C11orf65: variants seen among roughly 807,000 people sequenced by gnomAD.
The protein encoded by C11orf65 is chromosome 11 open reading frame 65.
C11orf65 carries 38 observed loss-of-function variants against 35.3 expected under a neutral mutation model. The ratio of observed to expected loss-of-function variants is 1.08; its 90% confidence interval spans 0.83 to 1.41. C11orf65 has a LOEUF of 1.41. Ranked by LOEUF, C11orf65 falls within the 40% of genes most tolerant of loss-of-function variation. The pLI is 0.00. For missense variants in C11orf65, 370 were observed against 367.1 expected (o/e 1.01, Z -0.06); for synonymous variants, 105 against 114.4 (o/e 0.92, Z 0.53).
chr11:108,432,934 T>A (rs912838569), intron 2 of C11orf65, among the ~76,000 whole-genome samples: 2 of 152,166 alleles, frequency 1.3e-5, no homozygotes, highest in Admixed American at 1.3e-4. Flanking sequence ...AACAACCATT[T>A]ATTATTTCTC....
At chr11:108,438,823 C>T (rs904222438) in intron 2 of C11orf65, among the ~76,000 whole-genome samples, 4 of 151,830 alleles carry the variant, frequency 2.6e-5, no homozygotes, top group African/African-American at 9.7e-5. Flanking sequence ...CTGGCCAACA[C>T]AGTGAAACCC....
intron 2 of C11orf65, among the ~76,000 whole-genome samples, chr11:108,359,208 C>T (rs1446346228): frequency 6.6e-6 from 1 of 151,624 alleles, no homozygotes. Context: ...AAGGCCATTA[C>T]ATAATGGTAA....
chr11:108,328,660 A>G (rs998813926), downstream of C11orf65, among the ~76,000 whole-genome samples: 2 of 152,246 alleles, frequency 1.3e-5, no homozygotes, highest in African/African-American at 4.8e-5. Context: ...AGAAAATACC[A>G]TAGTTCAGGG....
intron 3 of C11orf65, among the ~76,000 whole-genome samples, chr11:108,417,568 CAAAA>C: frequency 3.4e-5 from 1 of 29,088 alleles, no homozygotes; most frequent in Non-Finnish European, 7.7e-5. Flanking sequence ...AACAAACAAA[CAAAA>C]AAAAACCTGC....
chr11:108,382,939 C>T lies in C11orf65; in HGVS notation c.*82G>A, dbSNP rs981068118. On this transcript the variant is annotated 3_prime_UTR_variant, in exon 9 of 9. Transcript: ENST00000393084. ...CCCAGAATATATACACAAGTTATTC[C>T]AGTCAGAATACACTATCTCTTGGCT... is the stretch of plus-strand genomic sequence containing the variant. 10 of 1,573,106 alleles carry T rather than the reference C, an allele frequency of 6.4e-6. No individual in the cohort carries two copies. Among genetic ancestry groups the T allele is most frequent in the Non-Finnish European group, 8.6e-6 (10 of 1,168,640 alleles).
intron 6 of C11orf65, among the ~76,000 whole-genome samples, chr11:108,318,711 G>C (rs999197550): frequency 1.3e-5 from 2 of 151,706 alleles, no homozygotes; most frequent in African/African-American, 4.8e-5. Context: ...AAAACACTCA[G>C]TTACCCAGGA....
At chr11:108,374,523 C>T (rs184365983) in intron 2 of C11orf65, among the ~76,000 whole-genome samples, 96 of 152,220 alleles carry the variant, frequency 6.3e-4, no homozygotes, top group African/African-American at 2.2e-3. Context: ...TAGATAAAAC[C>T]ACAAAGATGG....
chr11:108,327,741 C>T (rs1414969262), downstream of C11orf65: 2 of 1,613,734 alleles, frequency 1.2e-6, no homozygotes, highest in South Asian at 1.1e-5. Context: ...GGTCATCATG[C>T]AGACCTATCT....
At chr11:108,422,727 C>T (rs1024942982) in intron 3 of C11orf65, among the ~76,000 whole-genome samples, 5 of 151,828 alleles carry the variant, frequency 3.3e-5, no homozygotes, top group African/African-American at 1.2e-4. Flanking sequence ...ACTAAAAATA[C>T]AAAAATTAGC....
At chr11:108,464,945 T>A (rs2093516933) in intron 1 of C11orf65, among the ~76,000 whole-genome samples, 1 of 152,248 alleles carries the variant, frequency 6.6e-6, no homozygotes, top group East Asian at 1.9e-4. Flanking sequence ...AAACATTCTA[T>A]GGGAATGCTT....
chr11:108,331,748 C>T (rs1250478512), intron 3 of C11orf65: 1 of 1,292,246 alleles, frequency 7.7e-7, no homozygotes, highest in Non-Finnish European at 1.1e-6. Context: ...TTTTCTCACA[C>T]ATGCAGGCAT....
intron 2 of C11orf65, among the ~76,000 whole-genome samples, chr11:108,371,403 CCT>C (rs1248633636): frequency 4.6e-5 from 7 of 152,168 alleles, no homozygotes; most frequent in Non-Finnish European, 1.0e-4. Flanking sequence ...TCAACCAGCC[CCT>C]GAGAACTACT....
At chr11:108,465,804 G>A (rs2093528577) in intron 1 of C11orf65, among the ~76,000 whole-genome samples, 1 of 152,022 alleles carries the variant, frequency 6.6e-6, no homozygotes, top group Admixed American at 6.6e-5. Flanking sequence ...GACCAAAATG[G>A]AGAAATCCCG....
downstream of C11orf65, among the ~76,000 whole-genome samples, chr11:108,326,670 T>C (rs958253395): frequency 6.6e-6 from 1 of 152,202 alleles, no homozygotes; most frequent in Non-Finnish European, 1.5e-5. Flanking sequence ...ACATTACCTG[T>C]TGGTTTTTGC....
At chr11:108,365,024 C>A (rs1025435807) in intron 2 of C11orf65, 36 of 1,585,202 alleles carry the variant, frequency 2.3e-5, no homozygotes, top group Non-Finnish European at 3.1e-5. Flanking sequence ...TCTACTGTTT[C>A]TAAGTATGTG....
At chr11:108,394,262 G>A (rs1016751317) in intron 6 of C11orf65, among the ~76,000 whole-genome samples, 5 of 151,706 alleles carry the variant, frequency 3.3e-5, no homozygotes, top group African/African-American at 1.2e-4. Context: ...CTGAGACCTG[G>A]AGAAGTTAAA....
intron 2 of C11orf65, among the ~76,000 whole-genome samples, chr11:108,446,622 C>A (rs952216079): frequency 4.6e-5 from 7 of 152,028 alleles, no homozygotes. Flanking sequence ...TAAAAGAGCT[C>A]CTGAAGGAAG....
intron 2 of C11orf65, among the ~76,000 whole-genome samples, chr11:108,439,806 T>C (rs1282954464): frequency 6.6e-6 from 1 of 152,156 alleles, no homozygotes; most frequent in African/African-American, 2.4e-5. Flanking sequence ...AACTGGGGTC[T>C]GGTGGTTAGG....
At chr11:108,364,294 T>G (rs745463966) in intron 2 of C11orf65, among the ~76,000 whole-genome samples, 1 of 152,196 alleles carries the variant, frequency 6.6e-6, no homozygotes, top group African/African-American at 2.4e-5. Context: ...TTACTAAGAT[T>G]TGTAAGCATT....
Sources: allele counts gnomAD v4.1 joint callset (sites outside exome capture counted in the v4.1 genomes callset), GRCh38; gene constraint gnomAD v4.1.1; transcripts MANE v1.5; gene names NCBI Gene and HGNC (gene_info 2026-07-23, HGNC 2026-07-21).